ULK4: variants seen among roughly 807,000 people sequenced by gnomAD.
ULK4 encodes the protein unc-51 like kinase 4.
A neutral mutation model predicts 160.6 loss-of-function variants in ULK4; 133 were observed. The ratio of observed to expected loss-of-function variants is 0.83; its 90% confidence interval spans 0.72 to 0.96. The LOEUF (loss-of-function observed/expected upper bound fraction) is 0.96, where lower values mean the gene tolerates loss of function less well. ULK4 is among the 40% of genes least tolerant of loss of function. ULK4 has a pLI of 0.00. For synonymous variants in ULK4, 534 were observed against 539.8 expected, an observed-to-expected ratio of 0.99 and a Z score of 0.15; for missense variants, 1,580 against 1,499.5, an observed-to-expected ratio of 1.05 and a Z score of -0.89.
chr3:41,850,081 C>G (rs1015424430), intron 17 of ULK4, among the ~76,000 whole-genome samples: 1 of 152,032 alleles, frequency 6.6e-6, no homozygotes, highest in African/African-American at 2.4e-5. Context: ...TCGTCCTTGT[C>G]ATAATTTGCT....
chr3:41,412,499 T>C (rs1478161704), intron 34 of ULK4, among the ~76,000 whole-genome samples: 1 of 149,182 alleles, frequency 6.7e-6, no homozygotes, highest in East Asian at 2.0e-4. Flanking sequence ...GAGGAGCCCA[T>C]AGGCTCACAT....
At chr3:41,894,460 G>A (rs189693125) in intron 16 of ULK4, among the ~76,000 whole-genome samples, 1 of 152,172 alleles carries the variant, frequency 6.6e-6, no homozygotes, top group African/African-American at 2.4e-5. Flanking sequence ...TATCATACCA[G>A]TGCCACAATC....
intron 31 of ULK4, among the ~76,000 whole-genome samples, chr3:41,613,766 A>C (rs1192069406): frequency 6.6e-6 from 1 of 152,266 alleles, no homozygotes; most frequent in Non-Finnish European, 1.5e-5. Flanking sequence ...AGTGATTTCC[A>C]ACACTTTTCT....
intron 17 of ULK4, among the ~76,000 whole-genome samples, chr3:41,867,943 G>T (rs1184063925): frequency 7.4e-6 from 1 of 135,960 alleles, no homozygotes; most frequent in African/African-American, 3.1e-5. Context: ...ATTTCCTCTT[G>T]TTAGACATTT....
At chr3:41,320,456 G>A (rs1003534019) in intron 35 of ULK4, among the ~76,000 whole-genome samples, 6 of 152,282 alleles carry the variant, frequency 3.9e-5, no homozygotes, top group East Asian at 1.9e-4. Context: ...TAAGTCTAGC[G>A]TAAATTCCTC....
At chr3:41,257,632 CA>C (rs11360973) in intron 35 of ULK4, among the ~76,000 whole-genome samples, 72,699 of 127,706 alleles carry the variant, frequency 0.57, 18,592 homozygotes, top group African/African-American at 0.67. Flanking sequence ...GACTATGTCT[CA>C]AAAAAAAAAA....
rs1700424755 is a variant in ULK4, at chr3:41,954,685, T to C, written c.75A>G (p.Gly25=). ...KTVVYKGRRK[G]TINFVAILCT... is the part of the protein sequence containing the mutation. ...AAAGAATGGCTACAAAATTGATTGTTCCCTTCCGTCGCCCTTTATAGACAA... is the reference window on the plus strand; with the variant it reads ...AAAGAATGGCTACAAAATTGATTGTCCCCTTCCGTCGCCCTTTATAGACAA... The change falls in exon 2 of 37, where the codon GGA becomes GGG. Residue 25 remains glycine, a synonymous_variant. Transcript: ENST00000301831. 2.2e-5 allele frequency: 36 copies of C among 1,613,888 alleles called. No individual in the cohort carries two copies. The highest frequency in any genetic ancestry group is 2.8e-5 in the Non-Finnish European group (33 of 1,179,944).
At chr3:41,712,725 T>A (rs1274733694) in intron 25 of ULK4, among the ~76,000 whole-genome samples, 1 of 151,820 alleles carries the variant, frequency 6.6e-6, no homozygotes, top group Non-Finnish European at 1.5e-5. Flanking sequence ...CCTCATCTCT[T>A]CGAAAAATTT....
At chr3:41,497,657 T>G (rs1213189507) in intron 32 of ULK4, among the ~76,000 whole-genome samples, 2 of 152,166 alleles carry the variant, frequency 1.3e-5, no homozygotes, top group African/African-American at 4.8e-5. Context: ...TCCATATTGA[T>G]GATATAAGGG....
At position 41,931,870 on chromosome 3, in the gene ULK4, T is replaced by G. The variant is rs762012775; in HGVS notation, c.515A>C (p.Lys172Thr). 3 of 1,614,152 alleles carry G rather than the reference T, an allele frequency of 1.9e-6. No homozygotes were observed. Among genetic ancestry groups the G allele is most frequent in the Admixed American group, 3.3e-5 (2 of 60,016 alleles). ...GGGDNGENVL[K>T]KSMKSRVKGS... ...TTTGACTCTACTTTTCATGCTTTTC[T>G]TCAGGACATTTTCCCCATTATCACC... Residue 172 changes from lysine to threonine, a missense_variant, in exon 5 of 37, where the codon AAG (lysine) becomes ACG (threonine). By Grantham distance (78) the Lys-to-Thr change is moderately conservative. Coordinates refer to ENST00000301831, the MANE Select transcript of ULK4 (RefSeq NM_017886.4).
At chr3:41,824,983 G>A (rs374344938) in intron 18 of ULK4, among the ~76,000 whole-genome samples, 51 of 152,244 alleles carry the variant, frequency 3.3e-4, no homozygotes, top group East Asian at 1.2e-3. Context: ...AGGAACAATC[G>A]GGCAGCAACA....
At chr3:41,723,838 C>A (rs922809251) in intron 22 of ULK4, among the ~76,000 whole-genome samples, 5 of 152,206 alleles carry the variant, frequency 3.3e-5, no homozygotes, top group Non-Finnish European at 5.9e-5. Context: ...GCCCAGTGGG[C>A]GCCTGGGACT....
intron 31 of ULK4, among the ~76,000 whole-genome samples, chr3:41,590,387 G>A (rs1009616538): frequency 3.3e-5 from 5 of 150,254 alleles, no homozygotes; most frequent in Middle Eastern, 3.4e-3. Flanking sequence ...AGGCTGAGGC[G>A]GGTGGATCAC....
At chr3:41,823,673 C>CA (rs756935871) in intron 18 of ULK4, among the ~76,000 whole-genome samples, 29 of 152,240 alleles carry the variant, frequency 1.9e-4, no homozygotes, top group Non-Finnish European at 3.7e-4. Flanking sequence ...AACAGGTTAG[C>CA]ACTGACCTGA....
At chr3:41,859,651 T>C (rs567504401) in intron 17 of ULK4, 48 of 433,168 alleles carry the variant, frequency 1.1e-4, no homozygotes, top group African/African-American at 9.9e-4. Context: ...AAATTCCTTC[T>C]TTTTTGTTTG....
intron 35 of ULK4, among the ~76,000 whole-genome samples, chr3:41,255,963 G>A (rs1201338174): frequency 6.6e-6 from 1 of 151,938 alleles, no homozygotes; most frequent in African/African-American, 2.4e-5. Context: ...CCATCTGCTG[G>A]GTCTTTAAGG....
At chr3:41,550,085 A>G (rs1293400485) in intron 32 of ULK4, among the ~76,000 whole-genome samples, 1 of 152,106 alleles carries the variant, frequency 6.6e-6, no homozygotes, top group African/African-American at 2.4e-5. Context: ...TGAGAGGGAA[A>G]GGACAATATT....
intron 30 of ULK4, among the ~76,000 whole-genome samples, chr3:41,651,488 C>A (rs1192251852): frequency 6.6e-6 from 1 of 152,194 alleles, no homozygotes; most frequent in East Asian, 1.9e-4. Context: ...ATCATAAGCT[C>A]CATCTAATGC....
intron 5 of ULK4, among the ~76,000 whole-genome samples, chr3:41,921,531 C>G (rs903210952): frequency 6.6e-6 from 1 of 152,142 alleles, no homozygotes; most frequent in African/African-American, 2.4e-5. Flanking sequence ...AGGAGAATGG[C>G]ATGAACCCAG....
Sources: gnomAD v4.1 joint callset for allele counts (sites outside exome capture counted in the v4.1 genomes callset) on GRCh38, gnomAD v4.1.1 for gene constraint, MANE v1.5 for transcripts, NCBI Gene and HGNC (gene_info 2026-07-23, HGNC 2026-07-21) for gene names.